Variants in CFAP251 observed in about 807,000 individuals in gnomAD.
The protein encoded by CFAP251 is cilia and flagella associated protein 251.
In CFAP251, 93 loss-of-function variants were observed where a neutral mutation model predicts 126.7. That is an observed-to-expected ratio of 0.73 (90% CI 0.62 to 0.87). The LOEUF is 0.87. Ranked by LOEUF, CFAP251 falls within the 40% of genes least tolerant of loss-of-function variation. CFAP251 has a pLI of 0.00. For synonymous variants in CFAP251, 503 were observed against 506.9 expected (o/e 0.99, Z 0.10); for missense variants, 1,287 against 1,389.2 (o/e 0.93, Z 1.17).
At chr12:121,961,681 T>C (rs1341481038) in intron 14 of CFAP251, among the ~76,000 whole-genome samples, 1 of 152,242 alleles carries the variant, frequency 6.6e-6, no homozygotes, top group African/African-American at 2.4e-5. Context: ...ACATCTGTTT[T>C]CTCATCTGTA....
At chr12:122,001,685 C>A (rs1593012245) in intron 21 of CFAP251, 87 bp downstream of exon 21, 112 of 988,074 alleles carry the variant, frequency 1.1e-4, no homozygotes, top group East Asian at 6.5e-4. Flanking sequence ...CTGATCGGTG[C>A]AAGCCACTCT....
At chr12:121,955,069 G>A (rs1270247046) in intron 10 of CFAP251, among the ~76,000 whole-genome samples, 3 of 152,288 alleles carry the variant, frequency 2.0e-5, no homozygotes, top group African/African-American at 4.8e-5. Flanking sequence ...TTGGGAGGCC[G>A]AGGCGGGTGG....
intron 15 of CFAP251, among the ~76,000 whole-genome samples, chr12:121,963,822 C>T (rs547047351): frequency 3.2e-4 from 48 of 151,526 alleles, no homozygotes; most frequent in African/African-American, 1.1e-3. Flanking sequence ...TTGACCCTAG[C>T]CCTGACCCCA....
intron 19 of CFAP251, among the ~76,000 whole-genome samples, chr12:121,987,172 C>G (rs1882769899): frequency 1.3e-5 from 2 of 152,124 alleles, no homozygotes; most frequent in African/African-American, 4.8e-5. Context: ...AAGAGAAGCC[C>G]TCAGTATGTT....
chr12:121,929,909 C>T (rs543532781), intron 3 of CFAP251, among the ~76,000 whole-genome samples: 60 of 152,272 alleles, frequency 3.9e-4, no homozygotes, highest in African/African-American at 1.1e-3. Flanking sequence ...AACTCCTGAC[C>T]TGAGATGATC....
intron 7 of CFAP251, among the ~76,000 whole-genome samples, chr12:121,944,004 G>T (rs1488960876): frequency 2.0e-5 from 3 of 152,158 alleles, no homozygotes; most frequent in Non-Finnish European, 4.4e-5. Flanking sequence ...ACTCTGAGGA[G>T]TATAGGGAAG....
At chr12:121,942,775 C>A in intron 6 of CFAP251, 120 bp from the exon 7 acceptor site, 2 of 1,259,888 alleles carry the variant, frequency 1.6e-6, no homozygotes, top group Non-Finnish European at 2.3e-6. Flanking sequence ...GACTCCACAG[C>A]ACAGAGTCTG....
At chr12:121,952,240 TAAAAAAAAAAA>T (rs558861973) in intron 9 of CFAP251, among the ~76,000 whole-genome samples, 36,378 of 92,100 alleles carry the variant, frequency 0.39, 8,066 homozygotes, top group Non-Finnish European at 0.49. Context: ...TCGTTTCTAC[TAAAAAAAAAAA>T]AAAAAAAAAA....
intron 17 of CFAP251, among the ~76,000 whole-genome samples, 160 bp from the exon 18 acceptor site, chr12:121,975,084 G>A (rs1882422657): frequency 6.6e-6 from 1 of 152,144 alleles, no homozygotes; most frequent in South Asian, 2.1e-4. Flanking sequence ...TCTGGTTTGG[G>A]CTTCATTTTA....
intron 19 of CFAP251, chr12:121,999,375 CT>C (rs796730180): frequency 2.6e-4 from 41 of 157,732 alleles, no homozygotes; most frequent in South Asian, 1.2e-3. Context: ...AATTAGTATT[CT>C]TTTTTTTTCC....
chr12:121,942,795 C>A, intron 6 of CFAP251, 100 bp from the exon 7 acceptor site: 1 of 1,373,054 alleles, frequency 7.3e-7, no homozygotes. Flanking sequence ...GGGCCTCTGT[C>A]CTTAGTTACT....
At chr12:121,931,957 C>CAG (rs1288880455) in intron 4 of CFAP251, 71 bp downstream of exon 4, 13 of 1,355,776 alleles carry the variant, frequency 9.6e-6, no homozygotes, top group African/African-American at 1.5e-5. Context: ...TGTTTTGTAT[C>CAG]TCAAGGGCTG....
rs567011670 is a variant in CFAP251, at chr12:121,960,147, A to C, written c.2134-438A>C. Among the ~76,000 whole-genome samples, 19 of 152,306 alleles carry C rather than the reference A, an allele frequency of 1.2e-4. No homozygotes were observed. The East Asian group carries it at 3.5e-3, about 28-fold the overall frequency. ...GACTCTTGTCTCAAAAAAAACCCAAAAAAACTAAACTAAAACTAAAATGGA... is the reference window on the plus strand; with the variant it reads ...GACTCTTGTCTCAAAAAAAACCCAACAAAACTAAACTAAAACTAAAATGGA... On this transcript the variant is annotated intron_variant, in intron 13 of 21. Transcript: ENST00000288912.
intron 19 of CFAP251, among the ~76,000 whole-genome samples, chr12:121,983,143 G>A (rs1028311958): frequency 4.6e-5 from 7 of 152,122 alleles, no homozygotes; most frequent in South Asian, 4.1e-4. Flanking sequence ...GGGAAGGATC[G>A]AAGGATCGCT....
At chr12:121,949,704 A>G (rs1881453588) in intron 8 of CFAP251, 1 of 152,092 alleles carries the variant, frequency 6.6e-6, no homozygotes, top group Non-Finnish European at 1.5e-5. Flanking sequence ...GCAACATAAC[A>G]AGACCTCATC....
chr12:121,921,631 G>T lies in CFAP251; in HGVS notation c.326G>T (p.Arg109Leu). The change falls in exon 2 of 22, where the codon CGT becomes CTT. Residue 109 changes from arginine (R) to leucine (L), a missense_variant. Arg to Leu is a moderately radical substitution (Grantham distance 102). Transcript: ENST00000288912. ...CAAGAAGTCACAGCGTCCATGATCC[G>T]TTTGGAGACACAGATTACTGATTCC... ...EPQEVTASMI[R>L]LETQITDSQS... 5 of 1,612,930 alleles carry T rather than the reference G, an allele frequency of 3.1e-6. No individual in the cohort carries two copies. The highest frequency in any genetic ancestry group is 4.2e-6 in the Non-Finnish European group (5 of 1,179,698).
At chr12:122,000,057 T>G (rs1271478377) in intron 20 of CFAP251, 113 bp downstream of exon 20, 2 of 994,784 alleles carry the variant, frequency 2.0e-6, no homozygotes, top group Non-Finnish European at 2.9e-6. Context: ...AAGAGGTGAT[T>G]TGACCAGATT....
chr12:121,956,840 T>A (rs760132272), intron 10 of CFAP251, among the ~76,000 whole-genome samples: 9 of 152,166 alleles, frequency 5.9e-5, no homozygotes, highest in Non-Finnish European at 1.3e-4. Flanking sequence ...ACTGGGTATC[T>A]GTATTGTTAC....
intron 14 of CFAP251, 144 bp downstream of exon 14, chr12:121,960,902 C>A: frequency 9.8e-7 from 1 of 1,022,020 alleles, no homozygotes; most frequent in Non-Finnish European, 1.4e-6. Context: ...ACAAACCTCT[C>A]CAGGTTGGCA....
Sources: allele counts gnomAD v4.1 joint callset (sites outside exome capture counted in the v4.1 genomes callset), GRCh38; gene constraint gnomAD v4.1.1; transcripts MANE v1.5; gene names NCBI Gene and HGNC (gene_info 2026-07-23, HGNC 2026-07-21).